The following CREBBP variants were observed in gnomAD, a reference collection of about 807,000 sequenced individuals.
The protein encoded by CREBBP is CREB-binding protein.
Under a neutral mutation model 265.0 loss-of-function variants are expected in CREBBP, and 19 were observed. The ratio of observed to expected loss-of-function variants is 0.07; its 90% CI spans 0.05 to 0.11. CREBBP has a LOEUF of 0.11. CREBBP is among the 10% of genes least tolerant of loss of function. CREBBP has a pLI of 1.00. For missense variants in CREBBP, 2,525 were observed against 3,219.0 expected, an observed-to-expected ratio of 0.78 and a Z score of 5.22; for synonymous variants, 1,457 against 1,223.7, an observed-to-expected ratio of 1.19 and a Z score of -3.98.
intron 2 of CREBBP, among the ~76,000 whole-genome samples, chr16:3,835,604 G>T (rs1163973021): frequency 4.8e-5 from 7 of 145,120 alleles, no homozygotes; most frequent in Non-Finnish European, 9.0e-5. Context: ...TTTTGAGACG[G>T]AGTCTTGCTC....
At chr16:3,809,743 A>G (rs1042893685) in intron 3 of CREBBP, among the ~76,000 whole-genome samples, 3 of 152,224 alleles carry the variant, frequency 2.0e-5, no homozygotes, top group African/African-American at 7.2e-5. Flanking sequence ...TTTACAACAA[A>G]TACTTCAAAA....
intron 28 of CREBBP, 87 bp from the exon 29 acceptor site, chr16:3,732,024 G>A (rs2051931418): frequency 6.2e-7 from 1 of 1,609,536 alleles, no homozygotes; most frequent in African/African-American, 1.3e-5. Flanking sequence ...TGGGCATCAG[G>A]AAGCTCAGGC....
chr16:3,731,048 G>A lies in CREBBP; in HGVS notation c.5172+144C>T. On this transcript the variant is annotated intron_variant, in intron 30 of 30. Transcript: ENST00000262367. The surrounding 1 kb of genome is among the most constrained non-coding windows in gnomAD (Gnocchi z 7.7). ...AAACACACACACAGCAACGCCTTCT[G>A]CCTTGTGACGCTGTCCTAGTTCTGG... The A allele has an allele frequency of 1.2e-6, 1 of 857,740 alleles. No homozygotes were observed. Among genetic ancestry groups the A allele is most frequent in the East Asian group, 2.4e-5 (1 of 41,180 alleles). The allele number at this position is 857,740 out of a possible 1,614,324, so 53.1% of individuals were successfully genotyped here.
At chr16:3,780,282 G>A (rs952291072) in intron 8 of CREBBP, among the ~76,000 whole-genome samples, 4 of 148,890 alleles carry the variant, frequency 2.7e-5, no homozygotes, top group African/African-American at 1.0e-4. Context: ...TTAACTTTCC[G>A]TTATGTTAAC....
intron 1 of CREBBP, among the ~76,000 whole-genome samples, chr16:3,856,302 A>G (rs2054962835): frequency 6.6e-6 from 1 of 152,002 alleles, no homozygotes; most frequent in Non-Finnish European, 1.5e-5. Flanking sequence ...TTTTTATTTT[A>G]TTTTTAATTA....
chr16:3,832,985 T>C (rs1159111493), intron 2 of CREBBP, among the ~76,000 whole-genome samples: 2 of 152,092 alleles, frequency 1.3e-5, no homozygotes, highest in African/African-American at 2.4e-5. Context: ...CTCAGCAAAC[T>C]AGAAACAGAA....
chr16:3,815,392 T>G (rs1237078467), intron 2 of CREBBP, among the ~76,000 whole-genome samples: 1 of 151,522 alleles, frequency 6.6e-6, no homozygotes, highest in Non-Finnish European at 1.5e-5. Flanking sequence ...ATACAAAAAT[T>G]AGCTAGGCAT....
At chr16:3,849,433 GTGTGTGTGTGTGT>G (rs1567360270) in intron 2 of CREBBP, among the ~76,000 whole-genome samples, 616 of 14,256 alleles carry the variant, frequency 0.043, 39 homozygotes, top group Non-Finnish European at 0.099. Flanking sequence ...GTGTGTGTGT[GTGTGTGTGTGTGT>G]GTGTGTGTGT....
intron 2 of CREBBP, among the ~76,000 whole-genome samples, chr16:3,848,734 TGAATGAACTGG>T (rs2054721068): frequency 1.3e-5 from 2 of 152,180 alleles, no homozygotes; most frequent in South Asian, 4.1e-4. Flanking sequence ...AGTAGAGTGA[TGAATGAACTGG>T]GAAAAGGAAC....
chr16:3,766,296 A>T (rs547967326), intron 16 of CREBBP, among the ~76,000 whole-genome samples: 1 of 152,308 alleles, frequency 6.6e-6, no homozygotes, highest in Non-Finnish European at 1.5e-5. Flanking sequence ...AATATCCACA[A>T]TCAGCTGAAA....
At chr16:3,746,146 T>A (rs129963) in intron 21 of CREBBP, among the ~76,000 whole-genome samples, 1 of 151,986 alleles carries the variant, frequency 6.6e-6, no homozygotes, top group Non-Finnish European at 1.5e-5. Context: ...CCTCCGAGGA[T>A]AGGCTGAAGG....
intron 3 of CREBBP, among the ~76,000 whole-genome samples, chr16:3,796,544 G>A (rs1261795992): frequency 1.3e-5 from 2 of 152,076 alleles, no homozygotes; most frequent in African/African-American, 2.4e-5. Context: ...CCACCACCAC[G>A]CCTGGCTACT....
chr16:3,856,773 C>T (rs1050206457), intron 1 of CREBBP, among the ~76,000 whole-genome samples: 4 of 152,174 alleles, frequency 2.6e-5, no homozygotes, highest in African/African-American at 7.2e-5. Flanking sequence ...AGCACTGTAA[C>T]CCAGAAGCAA....
rs1158272589 is a variant in CREBBP at position 3,763,266 on chromosome 16, C to G, written c.3251-4294G>C. 2.0e-5 allele frequency among the ~76,000 whole-genome samples: 3 copies of G among 152,136 alleles called. No individual in the cohort carries two copies. The East Asian group carries it at 5.8e-4, about 29-fold the overall frequency. ...GACCTCCTAGGCTCAAGCAACCCTC[C>G]TAATTCAGCCTCATGAGTAGCATGA... On this transcript the variant is annotated intron_variant, in intron 16 of 30. Transcript: ENST00000262367.
intron 20 of CREBBP, among the ~76,000 whole-genome samples, chr16:3,751,503 G>A (rs1276894589): frequency 6.6e-6 from 1 of 152,096 alleles, no homozygotes; most frequent in Non-Finnish European, 1.5e-5. Flanking sequence ...GAGAAAGGAG[G>A]ATCGCTTGAA....
chr16:3,865,945 A>AT (rs924586373), intron 1 of CREBBP, among the ~76,000 whole-genome samples: 36 of 151,690 alleles, frequency 2.4e-4, no homozygotes, highest in African/African-American at 7.2e-4. Context: ...CAAGAAACTG[A>AT]TTTTTTTTTA....
intron 23 of CREBBP, 152 bp from the exon 24 acceptor site, chr16:3,740,701 G>A: frequency 1.1e-6 from 1 of 932,580 alleles, no homozygotes; most frequent in Non-Finnish European, 1.7e-6. Flanking sequence ...TCTGTCCTGT[G>A]ACACGAGTGT....
chr16:3,823,553 AC>A (rs1334264695), intron 2 of CREBBP, among the ~76,000 whole-genome samples: 1 of 152,170 alleles, frequency 6.6e-6, no homozygotes, highest in Non-Finnish European at 1.5e-5. Flanking sequence ...CAAGGTCGAC[AC>A]CTACTCAGGA....
At chr16:3,806,611 A>G (rs1827465783) in intron 3 of CREBBP, among the ~76,000 whole-genome samples, 1 of 152,186 alleles carries the variant, frequency 6.6e-6, no homozygotes, top group Admixed American at 6.5e-5. Context: ...AAATGTCAGA[A>G]AGCCCAATCC....
Sources: allele counts gnomAD v4.1 joint callset (sites outside exome capture counted in the v4.1 genomes callset), GRCh38; gene constraint gnomAD v4.1.1; non-coding constraint Gnocchi (gnomAD v3.1); transcripts MANE v1.5; gene names NCBI Gene and HGNC (gene_info 2026-07-23, HGNC 2026-07-21).